The following PDZRN4 variants were observed in gnomAD, a reference collection of about 807,000 sequenced individuals.
PDZRN4 encodes PDZ domain-containing RING finger protein 4.
A neutral mutation model predicts 99.0 loss-of-function variants in PDZRN4; 70 were observed. The ratio of observed to expected loss-of-function variants is 0.71; its 90% CI spans 0.58 to 0.86. PDZRN4 has a LOEUF of 0.86. PDZRN4 is among the 40% of genes least tolerant of loss of function. The pLI, the probability that PDZRN4 is intolerant of heterozygous loss-of-function variation, is 0.00. For missense variants in PDZRN4, 1,474 were observed against 1,331.2 expected (o/e 1.11, Z -1.67); for synonymous variants, 551 against 501.6 (o/e 1.10, Z -1.32).
At chr12:41,467,099 C>T (rs956636990) in intron 3 of PDZRN4, among the ~76,000 whole-genome samples, 2 of 152,176 alleles carry the variant, frequency 1.3e-5, no homozygotes, top group Admixed American at 6.5e-5. Context: ...TGCATTACAG[C>T]GCAAAATAGC....
chr12:41,572,340 G>C, intron 9 of PDZRN4, 24 bp from the exon 10 acceptor site: 2 of 1,565,044 alleles, frequency 1.3e-6, no homozygotes, highest in Non-Finnish European at 1.7e-6. Context: ...AATTTTCTTT[G>C]TTCTTTCAAC....
chr12:41,274,410 C>T (rs73120981), intron 3 of PDZRN4, among the ~76,000 whole-genome samples: 3,621 of 152,126 alleles, frequency 0.024, 144 homozygotes, highest in African/African-American at 0.082. Context: ...AAATGGAAAA[C>T]GCTTAAAATG....
chr12:41,229,363 C>T (rs888918167), intron 3 of PDZRN4, among the ~76,000 whole-genome samples: 5 of 151,786 alleles, frequency 3.3e-5, no homozygotes, highest in African/African-American at 1.2e-4. Flanking sequence ...GTCTTATAAC[C>T]AAAAATGGCA....
intron 3 of PDZRN4, among the ~76,000 whole-genome samples, chr12:41,256,767 G>T (rs1191099130): frequency 6.6e-6 from 1 of 152,028 alleles, no homozygotes; most frequent in African/African-American, 2.4e-5. Context: ...TAACTCAAAA[G>T]GTCCATCTCA....
chr12:41,556,333 T>A (rs1228891393), intron 7 of PDZRN4, among the ~76,000 whole-genome samples: 1 of 152,220 alleles, frequency 6.6e-6, no homozygotes, highest in East Asian at 1.9e-4. Flanking sequence ...TTAGATGATT[T>A]CCGGGTTGTG....
chr12:41,347,988 A>G (rs1205056361), intron 3 of PDZRN4, among the ~76,000 whole-genome samples: 1 of 152,182 alleles, frequency 6.6e-6, no homozygotes, highest in East Asian at 1.9e-4. Flanking sequence ...CAGACATGAC[A>G]CAAAGAACTA....
chr12:41,382,461 C>G (rs760360272), intron 3 of PDZRN4, among the ~76,000 whole-genome samples: 74 of 152,186 alleles, frequency 4.9e-4, no homozygotes, highest in Non-Finnish European at 9.7e-4. Flanking sequence ...CATTCATCCC[C>G]TCATTGGTTG....
At chr12:41,233,008 G>C (rs1246401244) in intron 3 of PDZRN4, among the ~76,000 whole-genome samples, 1 of 151,974 alleles carries the variant, frequency 6.6e-6, no homozygotes. Context: ...TGAGGGCTCT[G>C]TTCTGTTCCA....
At chr12:41,208,468 C>A (rs916010568) in intron 3 of PDZRN4, among the ~76,000 whole-genome samples, 4 of 151,854 alleles carry the variant, frequency 2.6e-5, no homozygotes, top group Non-Finnish European at 4.4e-5. Flanking sequence ...AGGGATTTAG[C>A]TTTTAATCTT....
At chr12:41,192,423 A>C (rs948154365) in intron 2 of PDZRN4, among the ~76,000 whole-genome samples, 1 of 152,254 alleles carries the variant, frequency 6.6e-6, no homozygotes, top group Non-Finnish European at 1.5e-5. Flanking sequence ...AAAACAAAAA[A>C]CAACAGCTAG....
chr12:41,203,130 C>T (rs767192264), intron 3 of PDZRN4, among the ~76,000 whole-genome samples: 38 of 151,334 alleles, frequency 2.5e-4, no homozygotes, highest in South Asian at 1.9e-3. Flanking sequence ...GCTTTTGTTA[C>T]GGAAGGTTGA....
At chr12:41,216,613 C>T (rs1452111309) in intron 3 of PDZRN4, among the ~76,000 whole-genome samples, 1 of 151,986 alleles carries the variant, frequency 6.6e-6, no homozygotes, top group Non-Finnish European at 1.5e-5. Context: ...ATATTCTAAA[C>T]ACTAAACTTA....
At chr12:41,251,234 G>A (rs1360623466) in intron 3 of PDZRN4, among the ~76,000 whole-genome samples, 1 of 152,122 alleles carries the variant, frequency 6.6e-6, no homozygotes, top group Non-Finnish European at 1.5e-5. Flanking sequence ...TGTTTGTGGT[G>A]TTGGCTATTG....
At chr12:41,253,073 C>T (rs900114134) in intron 3 of PDZRN4, among the ~76,000 whole-genome samples, 1 of 151,978 alleles carries the variant, frequency 6.6e-6, no homozygotes, top group African/African-American at 2.4e-5. Flanking sequence ...GCATTAATGT[C>T]GGTATTGAAT....
At chr12:41,489,660 A>G (rs1262556594) in intron 3 of PDZRN4, among the ~76,000 whole-genome samples, 1 of 142,636 alleles carries the variant, frequency 7.0e-6, no homozygotes, top group African/African-American at 2.7e-5. Flanking sequence ...TAAATATTTT[A>G]CTGAGATTTC....
intron 3 of PDZRN4, among the ~76,000 whole-genome samples, chr12:41,245,606 A>G (rs895408493): frequency 2.6e-5 from 4 of 152,090 alleles, no homozygotes; most frequent in Non-Finnish European, 4.4e-5. Flanking sequence ...ATGTTCATAA[A>G]TGTTGAATCT....
At chr12:41,414,753 A>G (rs1007391079) in intron 3 of PDZRN4, among the ~76,000 whole-genome samples, 1 of 152,200 alleles carries the variant, frequency 6.6e-6, no homozygotes, top group African/African-American at 2.4e-5. Flanking sequence ...CCATGATGGA[A>G]AAATATAAAA....
At chr12:41,407,477 A>G (rs570506594) in intron 3 of PDZRN4, among the ~76,000 whole-genome samples, 1 of 152,290 alleles carries the variant, frequency 6.6e-6, no homozygotes, top group South Asian at 2.1e-4. Context: ...TCTGTCATTC[A>G]ATAATTTCAT....
At chr12:41,326,149 A>ACTTTTTGC (rs200012629) in intron 3 of PDZRN4, among the ~76,000 whole-genome samples, 1 of 78,646 alleles carries the variant, frequency 1.3e-5, no homozygotes, top group Non-Finnish European at 3.2e-5. Flanking sequence ...ACACTCGGCT[A>ACTTTTTGC]ATTTTTTTTT....
Sources: gnomAD v4.1 joint callset for allele counts (sites outside exome capture counted in the v4.1 genomes callset) on GRCh38, gnomAD v4.1.1 for gene constraint, MANE v1.5 for transcripts, NCBI Gene and HGNC (gene_info 2026-07-23, HGNC 2026-07-21) for gene names.